The following TMC5 variants were observed in gnomAD, a reference collection of about 807,000 sequenced individuals.
The protein encoded by TMC5 is transmembrane channel-like protein 5.
In TMC5, 86 loss-of-function variants were observed where a neutral mutation model predicts 110.5. The ratio of observed to expected loss-of-function variants is 0.78; its 90% confidence interval spans 0.65 to 0.93. The LOEUF (loss-of-function observed/expected upper bound fraction) is 0.93, where lower values mean the gene tolerates loss of function less well. TMC5 is among the 40% of genes least tolerant of loss of function. The pLI is 0.00. For missense variants in TMC5, 1,144 were observed against 1,222.8 expected, an observed-to-expected ratio of 0.94 and a Z score of 0.96; for synonymous variants, 455 against 439.5, an observed-to-expected ratio of 1.04 and a Z score of -0.44.
At chr16:19,461,187 C>A (rs537041093) in intron 6 of TMC5, among the ~76,000 whole-genome samples, 1 of 152,088 alleles carries the variant, frequency 6.6e-6, no homozygotes, top group East Asian at 1.9e-4. Context: ...AAAATATTAA[C>A]GGGGAAACTA....
In TMC5 at chr16:19,472,406, T is replaced by G. The variant is rs74011404; in HGVS notation, c.1938+163T>G. Among the ~76,000 whole-genome samples the G allele has an allele frequency of 5.4e-3, 819 of 152,150 alleles. 8 individuals are homozygous for G. The highest frequency in any genetic ancestry group is 0.018 in the African/African-American group (758 of 41,498). Reference sequence around the variant, plus strand: ...AATGCAGGGGTGAGGCACAGTGGCTTACACCTGTAATCCCAACACTCTGGG... The same window carrying G: ...AATGCAGGGGTGAGGCACAGTGGCTGACACCTGTAATCCCAACACTCTGGG... On this transcript the variant is annotated intron_variant, in intron 11 of 21. Coordinates refer to ENST00000542583, the MANE Select transcript of TMC5 (RefSeq NM_001261841.2).
intron 7 of TMC5, 97 bp from the exon 8 acceptor site, chr16:19,463,679 T>C: frequency 6.9e-7 from 1 of 1,442,664 alleles, no homozygotes; most frequent in Non-Finnish European, 9.5e-7. Flanking sequence ...TTAACAATAC[T>C]CCAGACATGG....
chr16:19,443,366 C>A (rs893307991), intron 3 of TMC5, among the ~76,000 whole-genome samples: 6 of 152,088 alleles, frequency 3.9e-5, no homozygotes, highest in Admixed American at 1.3e-4. Flanking sequence ...CCTTGGAATG[C>A]CCTCCCTTTA....
chr16:19,494,188 A>T lies in TMC5; in HGVS notation c.2827-74A>T, dbSNP rs568160497. ...CTGAAAACCGACGTTCTTCCCATCA[A>T]TTGCTTTCTCAATTCCATACCATCA... On this transcript the variant is annotated intron_variant, in intron 19 of 21. Transcript: ENST00000542583. 5.9e-5 allele frequency: 73 copies of T among 1,232,428 alleles called. No individual in the cohort carries two copies. The South Asian group carries it at 8.7e-4, about 15-fold the overall frequency. 76.3% of individuals were successfully genotyped at this position (1,232,428 alleles called of 1,614,324 possible).
intron 9 of TMC5, among the ~76,000 whole-genome samples, chr16:19,466,851 T>C (rs993918231): frequency 6.6e-6 from 1 of 151,864 alleles, no homozygotes; most frequent in Admixed American, 6.6e-5. Context: ...AAATGGAAAA[T>C]ACACATATGA....
rs1434887568 is a variant in TMC5 at position 19,434,115 on chromosome 16, ATATC to A, written c.-80+3479_-80+3482del. Among the ~76,000 whole-genome samples the A allele has an allele frequency of 6.7e-4, 78 of 117,170 alleles. 2 individuals carry two copies. Among genetic ancestry groups the A allele is most frequent in the African/African-American group, 2.3e-3 (70 of 30,256 alleles). 76.9% of individuals were successfully genotyped at this position (117,170 alleles called of 152,430 possible). A position where few individuals can be genotyped will look rare whatever the true frequency, so the allele number is the denominator to read the frequency against. ...TATCTATAATATATATATTATATATATATCTATATATCTAAAATATATATATCTA... is the reference window on the plus strand; with the variant it reads ...TATCTATAATATATATATTATATATATATATATCTAAAATATATATATCTA... On this transcript the variant is annotated intron_variant, in intron 2 of 21. Transcript: ENST00000542583.
At chr16:19,436,145 C>A (rs191439036) in intron 2 of TMC5, among the ~76,000 whole-genome samples, 67 of 151,742 alleles carry the variant, frequency 4.4e-4, no homozygotes, top group African/African-American at 1.6e-3. Flanking sequence ...ACCTGTAATC[C>A]CAGCTCCTCG....
intron 5 of TMC5, among the ~76,000 whole-genome samples, chr16:19,452,791 C>T (rs1967779622): frequency 6.6e-6 from 1 of 152,004 alleles, no homozygotes; most frequent in African/African-American, 2.4e-5. Flanking sequence ...GGGCAGGACC[C>T]CTTCTGAAAT....
chr16:19,493,471 T>C (rs1597221933), intron 19 of TMC5, among the ~76,000 whole-genome samples: 1 of 26,338 alleles, frequency 3.8e-5, no homozygotes, highest in Non-Finnish European at 1.5e-4. Flanking sequence ...CTCTCTTTTT[T>C]TTTTTTTGAG....
At chr16:19,474,027 C>G (rs1333510856) in intron 11 of TMC5, 98 bp from the exon 12 acceptor site, 1 of 1,148,346 alleles carries the variant, frequency 8.7e-7, no homozygotes, top group African/African-American at 1.6e-5. Flanking sequence ...CGCAGAGGAG[C>G]TACTTCTCGG....
chr16:19,439,507 T>A (rs974759928), intron 2 of TMC5, among the ~76,000 whole-genome samples: 1 of 152,176 alleles, frequency 6.6e-6, no homozygotes, highest in Non-Finnish European at 1.5e-5. Context: ...ACAAAAACAG[T>A]GGTTTAAACA....
chr16:19,463,670 T>A, intron 7 of TMC5, 106 bp from the exon 8 acceptor site: 2 of 1,387,308 alleles, frequency 1.4e-6, no homozygotes, highest in Non-Finnish European at 2.0e-6. Context: ...TGCCTGCACT[T>A]AACAATACTC....
At chr16:19,476,434 G>T (rs966363974) in intron 12 of TMC5, among the ~76,000 whole-genome samples, 1 of 152,116 alleles carries the variant, frequency 6.6e-6, no homozygotes, top group Non-Finnish European at 1.5e-5. Context: ...CCACATCCCA[G>T]CCACCGATCC....
chr16:19,450,632 C>T (rs1473936554), intron 5 of TMC5, among the ~76,000 whole-genome samples: 2 of 152,148 alleles, frequency 1.3e-5, no homozygotes, highest in Non-Finnish European at 2.9e-5. Flanking sequence ...TCTGCTTAGC[C>T]ACCTCATTAG....
rs373105621 is a variant in TMC5 at position 19,463,841 on chromosome 16, G to A, written c.1302G>A (p.Thr434=). 39 of 1,614,182 alleles carry A rather than the reference G, an allele frequency of 2.4e-5. No individual in the cohort carries two copies. The highest frequency in any genetic ancestry group is 2.9e-5 in the Non-Finnish European group (34 of 1,180,014). The stretch of plus-strand genomic sequence containing the variant: ...ATTCCATCAGCCTGTGGCAGAAGAC[G>A]CTGAAGATCATTGGAGGCAAGTTTG... ...ILNSISLWQK[T]LKIIGGKFGT... Residue 434 remains threonine (T), a synonymous_variant, in exon 8 of 22, where the codon ACG becomes ACA. Transcript: ENST00000542583.
intron 1 of TMC5, among the ~76,000 whole-genome samples, chr16:19,426,427 G>A (rs989937793): frequency 2.0e-5 from 3 of 152,180 alleles, no homozygotes; most frequent in Non-Finnish European, 4.4e-5. Context: ...TTCCTGGCAG[G>A]ATTCTGAGCA....
chr16:19,498,564 C>A lies in TMC5; in HGVS notation c.*598C>A, dbSNP rs1428570450. The A allele has an allele frequency of 6.6e-6, 1 of 152,458 alleles. No homozygotes were observed. Among genetic ancestry groups the A allele is most frequent in the Admixed American group, 6.6e-5 (1 of 15,238 alleles). The allele number at this position is 152,458 out of a possible 1,614,324, so 9.4% of individuals were successfully genotyped here. ...GGAGTCGGGGATGGAGGAGGTTCTGCCCCTGTGAGGTGTTATACATGACCA... is the reference window on the plus strand; with the variant it reads ...GGAGTCGGGGATGGAGGAGGTTCTGACCCTGTGAGGTGTTATACATGACCA... On this transcript the variant is annotated 3_prime_UTR_variant, in exon 22 of 22. Transcript: ENST00000542583.
At chr16:19,460,705 C>T (rs1215888482) in intron 6 of TMC5, among the ~76,000 whole-genome samples, 2 of 152,198 alleles carry the variant, frequency 1.3e-5, no homozygotes, top group Non-Finnish European at 1.5e-5. Context: ...GCTACTCTCT[C>T]CTAAAACCCA....
At chr16:19,463,678 C>T in intron 7 of TMC5, 98 bp from the exon 8 acceptor site, 2 of 1,434,768 alleles carry the variant, frequency 1.4e-6, no homozygotes, top group Non-Finnish European at 1.9e-6. Context: ...CTTAACAATA[C>T]TCCAGACATG....
Sources: gnomAD v4.1 joint callset for allele counts (sites outside exome capture counted in the v4.1 genomes callset) on GRCh38, gnomAD v4.1.1 for gene constraint, MANE v1.5 for transcripts, NCBI Gene and HGNC (gene_info 2026-07-23, HGNC 2026-07-21) for gene names.